Variants in OR51E2 observed in about 807,000 individuals in gnomAD.
The protein encoded by OR51E2 is olfactory receptor family 51 subfamily E member 2.
OR51E2 carries 14 observed loss-of-function variants against 13.7 expected under a neutral mutation model. The ratio of observed to expected loss-of-function variants is 1.02; its 90% CI spans 0.68 to 1.60. The LOEUF (loss-of-function observed/expected upper bound fraction) is 1.60. OR51E2 is among the 40% of genes most tolerant of loss of function. OR51E2 has a pLI of 0.00. For missense variants in OR51E2, 483 were observed against 413.8 expected (o/e 1.17, Z -1.45); for synonymous variants, 180 against 157.6 (o/e 1.14, Z -1.07).
At chr11:4,696,794 G>A (rs2133255063) in intron 1 of OR51E2, among the ~76,000 whole-genome samples, 1 of 152,170 alleles carries the variant, frequency 6.6e-6, no homozygotes, top group East Asian at 1.9e-4. Flanking sequence ...ACTATTATAA[G>A]CTATAGCTTG....
At chr11:4,696,122 C>T (rs1441770143) in intron 1 of OR51E2, among the ~76,000 whole-genome samples, 1 of 152,106 alleles carries the variant, frequency 6.6e-6, no homozygotes, top group East Asian at 1.9e-4. Flanking sequence ...TAATTGACAG[C>T]ATTTTGGAGA....
At chr11:4,693,873 C>A (rs183965348) in intron 1 of OR51E2, among the ~76,000 whole-genome samples, 1 of 152,234 alleles carries the variant, frequency 6.6e-6, no homozygotes, top group South Asian at 2.1e-4. Flanking sequence ...AAATAAAACC[C>A]CACTTAGAGA....
At chr11:4,691,595 G>C (rs1311865576) in intron 1 of OR51E2, 5 of 456,234 alleles carry the variant, frequency 1.1e-5, no homozygotes, top group Non-Finnish European at 2.2e-5. Flanking sequence ...CAGTTACAGA[G>C]AGGAAGCAGA....
At chr11:4,693,176 C>T (rs1847607504) in intron 1 of OR51E2, among the ~76,000 whole-genome samples, 1 of 152,038 alleles carries the variant, frequency 6.6e-6, no homozygotes, top group South Asian at 2.1e-4. Flanking sequence ...TTGGTCATTC[C>T]ACAATGCATA....
At chr11:4,693,582 G>C (rs921185496) in intron 1 of OR51E2, among the ~76,000 whole-genome samples, 5 of 152,076 alleles carry the variant, frequency 3.3e-5, no homozygotes, top group African/African-American at 9.7e-5. Context: ...TTAGCCGGGC[G>C]TGGTGGCGGG....
At position 4,681,632 on chromosome 11, in the gene OR51E2, A is replaced by G; in HGVS notation, c.*117T>C. On this transcript the variant is annotated 3_prime_UTR_variant, in exon 2 of 2. Coordinates refer to ENST00000396950, the MANE Select transcript of OR51E2 (RefSeq NM_030774.4). ...AGGTAGATGTACCATACTTTAGTTT[A>G]CTATTCCAGCCAGAGAAAAGTACTG... is the stretch of plus-strand genomic sequence containing the variant. The G allele has an allele frequency of 3.5e-6, 4 of 1,147,790 alleles. No homozygotes were observed. The highest frequency in any genetic ancestry group is 5.0e-6 in the Non-Finnish European group (4 of 793,196). 71.1% of individuals were successfully genotyped at this position (1,147,790 alleles called of 1,614,324 possible).
At chr11:4,694,202 G>GTA (rs1010229843) in intron 1 of OR51E2, among the ~76,000 whole-genome samples, 30 of 151,142 alleles carry the variant, frequency 2.0e-4, no homozygotes, top group African/African-American at 7.3e-4. Flanking sequence ...ATTCTTCTTG[G>GTA]TAGTTTTTTT....
chr11:4,693,443 T>G (rs576769723), intron 1 of OR51E2, among the ~76,000 whole-genome samples: 1 of 152,196 alleles, frequency 6.6e-6, no homozygotes, highest in Non-Finnish European at 1.5e-5. Context: ...TTGAGCAGGC[T>G]GGGCGCGGTG....
chr11:4,691,297 T>C, intron 1 of OR51E2: 1 of 457,332 alleles, frequency 2.2e-6, no homozygotes, highest in Non-Finnish European at 4.4e-6. Context: ...GTTAAAATCA[T>C]GGCATACCTA....
intron 1 of OR51E2, 105 bp from the exon 2 acceptor site, chr11:4,682,866 T>C (rs1847474121): frequency 1.4e-6 from 1 of 705,550 alleles, no homozygotes; most frequent in Non-Finnish European, 2.3e-6. Flanking sequence ...TCATAAGCTC[T>C]GAGGCCCTCT....
At position 4,682,540 on chromosome 11, in the gene OR51E2, T is replaced by A. The variant is rs202134184; in HGVS notation, c.172A>T (p.Met58Leu). 3.7e-5 allele frequency: 60 copies of A among 1,614,028 alleles called. No individual in the cohort carries two copies. The highest frequency in any genetic ancestry group is 1.3e-5 in the Non-Finnish European group (15 of 1,180,026). ...GCAAGCATGCAGAGAAAGAGGTACATCGGAGCGTGCAGGCTGCGTTCCGTC... is the reference window on the plus strand; with the variant it reads ...GCAAGCATGCAGAGAAAGAGGTACAACGGAGCGTGCAGGCTGCGTTCCGTC... ...VRTERSLHAP[M>L]YLFLCMLAAI... is the part of the protein sequence containing the mutation. Residue 58 changes from methionine to leucine, a missense_variant, in exon 2 of 2, where the codon ATG becomes TTG. Transcript: ENST00000396950.
At position 4,681,895 on chromosome 11, in the gene OR51E2, C is replaced by T. The variant is rs908937652; in HGVS notation, c.817G>A (p.Val273Ile). The change falls in exon 2 of 2, where the codon GTT becomes ATT. Residue 273 changes from valine (V) to isoleucine (I), a missense_variant. Val to Ile is a conservative substitution (Grantham distance 29). Coordinates refer to ENST00000396950, the MANE Select transcript of OR51E2 (RefSeq NM_030774.4). The stretch of plus-strand genomic sequence containing the variant: ...AGCAGGTAGATGTCACCCATGACAA[C>T]ACGCACAATGGGATGAAGGCTGTTT... ...FGNSLHPIVR[V>I]VMGDIYLLLP... 4 of 1,614,046 alleles carry T rather than the reference C, an allele frequency of 2.5e-6. No individual in the cohort carries two copies. Among genetic ancestry groups the T allele is most frequent in the Non-Finnish European group, 3.4e-6 (4 of 1,180,036 alleles).
chr11:4,681,727 A>C lies in OR51E2; in HGVS notation c.*22T>G. ...TATGTTTATCAAGCCAATAAAGATAAGGAGAAGTGTAGTGTTAAGGGTCAC... is the reference window on the plus strand; with the variant it reads ...TATGTTTATCAAGCCAATAAAGATACGGAGAAGTGTAGTGTTAAGGGTCAC... On this transcript the variant is annotated 3_prime_UTR_variant, in exon 2 of 2. Coordinates refer to ENST00000396950, the MANE Select transcript of OR51E2 (RefSeq NM_030774.4). 1.2e-6 allele frequency: 2 copies of C among 1,608,408 alleles called. No homozygotes were observed. Among genetic ancestry groups the C allele is most frequent in the Non-Finnish European group, 1.7e-6 (2 of 1,175,190 alleles).
At chr11:4,691,375 T>A (rs1353449961) in intron 1 of OR51E2, 3 of 457,712 alleles carry the variant, frequency 6.6e-6, no homozygotes, top group South Asian at 4.6e-5. Context: ...TCCATGACAG[T>A]GAAGAATTTA....
intron 1 of OR51E2, chr11:4,691,559 G>A (rs1381185040): frequency 2.2e-6 from 1 of 456,918 alleles, no homozygotes; most frequent in East Asian, 6.9e-5. Flanking sequence ...TGGTAGCGAA[G>A]AGGATCAGGC....
chr11:4,691,313 A>G, intron 1 of OR51E2: 1 of 457,506 alleles, frequency 2.2e-6, no homozygotes, highest in Non-Finnish European at 4.4e-6. Flanking sequence ...ACCTAAGGGG[A>G]TTAGAGACGG....
chr11:4,690,639 T>G, intron 1 of OR51E2: 1 of 302,486 alleles, frequency 3.3e-6, no homozygotes, highest in Admixed American at 4.9e-5. Context: ...TAACTTTAAA[T>G]GATTATGTGC....
rs376037939 is a variant in OR51E2, at chr11:4,682,547, G to A, written c.165C>T (p.His55=). 248 of 1,614,204 alleles carry A rather than the reference G, an allele frequency of 1.5e-4. 2 individuals carry two copies. The South Asian group carries it at 2.3e-3, about 15-fold the overall frequency. ...VFIVRTERSL[H]APMYLFLCML... ...TGCAGAGAAAGAGGTACATCGGAGC[G>A]TGCAGGCTGCGTTCCGTCCTTACGA... Residue 55 remains histidine (H), a synonymous_variant, in exon 2 of 2, where the codon CAC becomes CAT. Coordinates refer to ENST00000396950, the MANE Select transcript of OR51E2 (RefSeq NM_030774.4).
intron 1 of OR51E2, among the ~76,000 whole-genome samples, chr11:4,685,621 AAGCCCAGATGATATGAC>A (rs1847505899): frequency 6.6e-6 from 1 of 152,264 alleles, no homozygotes. Flanking sequence ...ATTACAGATA[AAGCCCAGATGATATGAC>A]AGCTTTTTGT....
Sources: gnomAD v4.1 joint callset for allele counts (sites outside exome capture counted in the v4.1 genomes callset) on GRCh38, gnomAD v4.1.1 for gene constraint, MANE v1.5 for transcripts, NCBI Gene and HGNC (gene_info 2026-07-23, HGNC 2026-07-21) for gene names.